CTNNA3: variants seen among roughly 807,000 people sequenced by gnomAD.
CTNNA3 encodes catenin alpha 3, also known as catenin alpha-3.
In CTNNA3, 76 loss-of-function variants were observed where a neutral mutation model predicts 95.7. That is an observed-to-expected ratio of 0.79 (90% confidence interval 0.66 to 0.96). The LOEUF (loss-of-function observed/expected upper bound fraction) is 0.96. Ranked by LOEUF, CTNNA3 falls within the 40% of genes least tolerant of loss-of-function variation. CTNNA3 has a pLI of 0.00. For synonymous variants in CTNNA3, 431 were observed against 374.4 expected (o/e 1.15, Z -1.74); for missense variants, 1,191 against 1,089.8 (o/e 1.09, Z -1.31).
intron 7 of CTNNA3, among the ~76,000 whole-genome samples, chr10:67,063,180 CCA>C (rs1270485955): frequency 6.6e-6 from 1 of 152,080 alleles, no homozygotes; most frequent in Non-Finnish European, 1.5e-5. Flanking sequence ...AAAACAGTTA[CCA>C]AGTATGGATG....
At chr10:66,616,374 A>C (rs1423277438) in intron 10 of CTNNA3, among the ~76,000 whole-genome samples, 1 of 152,132 alleles carries the variant, frequency 6.6e-6, no homozygotes, top group Non-Finnish European at 1.5e-5. Flanking sequence ...CATTCTTCTA[A>C]CATCTGCTCA....
At chr10:66,918,960 C>A (rs1341428424) in intron 7 of CTNNA3, among the ~76,000 whole-genome samples, 4 of 151,608 alleles carry the variant, frequency 2.6e-5, no homozygotes, top group Non-Finnish European at 5.9e-5. Flanking sequence ...ACGGTGAAAC[C>A]CTGTCTCTAC....
chr10:66,209,471 A>G (rs150030005), intron 13 of CTNNA3, among the ~76,000 whole-genome samples: 2 of 152,282 alleles, frequency 1.3e-5, no homozygotes, highest in African/African-American at 2.4e-5. Flanking sequence ...AAGGTGAGAG[A>G]GAGGTCATGT....
At chr10:66,613,030 C>G (rs1361986512) in intron 10 of CTNNA3, among the ~76,000 whole-genome samples, 1 of 152,064 alleles carries the variant, frequency 6.6e-6, no homozygotes, top group Non-Finnish European at 1.5e-5. Flanking sequence ...ATTGTACAGG[C>G]CAGCACAGAT....
intron 7 of CTNNA3, among the ~76,000 whole-genome samples, chr10:67,049,030 G>GTT (rs3998950): frequency 9.0e-5 from 13 of 145,000 alleles, no homozygotes; most frequent in South Asian, 4.3e-4. Context: ...ATGATAACTG[G>GTT]TTTTTTTTTT....
intron 10 of CTNNA3, among the ~76,000 whole-genome samples, chr10:66,537,685 T>A (rs1162962703): frequency 6.6e-6 from 1 of 151,652 alleles, no homozygotes; most frequent in African/African-American, 2.4e-5. Context: ...CTTAGCCAGG[T>A]GCAGTGCTCA....
chr10:67,231,388 C>G (rs1260941370), intron 5 of CTNNA3, among the ~76,000 whole-genome samples: 1 of 152,246 alleles, frequency 6.6e-6, no homozygotes, highest in East Asian at 1.9e-4. Flanking sequence ...AGCAGCCTAA[C>G]TGGGAGGCAA....
intron 9 of CTNNA3, among the ~76,000 whole-genome samples, chr10:66,705,524 G>C (rs1183052631): frequency 2.0e-5 from 3 of 151,980 alleles, no homozygotes; most frequent in Non-Finnish European, 4.4e-5. Flanking sequence ...ATAAATGTTA[G>C]CTGGATTAAA....
chr10:67,522,426 C>T (rs2133160817), intron 4 of CTNNA3, among the ~76,000 whole-genome samples: 1 of 152,110 alleles, frequency 6.6e-6, no homozygotes, highest in East Asian at 1.9e-4. Context: ...TCTGGCTTGC[C>T]TCTATAATAA....
chr10:67,232,622 C>CTAACA (rs1285451567), intron 5 of CTNNA3, among the ~76,000 whole-genome samples: 5 of 151,286 alleles, frequency 3.3e-5, no homozygotes, highest in Admixed American at 2.6e-4. Flanking sequence ...AAATAACCAG[C>CTAACA]TAACATCATA....
chr10:67,612,332 A>G (rs1368581357), intron 2 of CTNNA3, among the ~76,000 whole-genome samples: 1 of 152,242 alleles, frequency 6.6e-6, no homozygotes, highest in African/African-American at 2.4e-5. Flanking sequence ...TTACACTTAT[A>G]TAAGTACAAA....
At chr10:65,930,778 G>A (rs2077240771) in intron 17 of CTNNA3, among the ~76,000 whole-genome samples, 2 of 152,122 alleles carry the variant, frequency 1.3e-5, no homozygotes, top group South Asian at 4.1e-4. Context: ...ATAGAGGGAT[G>A]GGCTTTAGCT....
chr10:67,295,401 T>C (rs1839994444), intron 5 of CTNNA3, among the ~76,000 whole-genome samples: 1 of 152,154 alleles, frequency 6.6e-6, no homozygotes, highest in Non-Finnish European at 1.5e-5. Flanking sequence ...GCTAAGGAAA[T>C]ACAGTCACGG....
intron 7 of CTNNA3, among the ~76,000 whole-genome samples, chr10:66,955,975 C>A (rs1408527834): frequency 6.6e-6 from 1 of 152,064 alleles, no homozygotes; most frequent in Non-Finnish European, 1.5e-5. Context: ...AGTGCTCTGC[C>A]AGAAAGGGGT....
intron 4 of CTNNA3, among the ~76,000 whole-genome samples, chr10:67,529,085 C>T (rs937278304): frequency 2.6e-5 from 4 of 151,794 alleles, no homozygotes; most frequent in Admixed American, 6.6e-5. Flanking sequence ...CTTGAGTTAG[C>T]GATTCCAGAA....
intron 7 of CTNNA3, among the ~76,000 whole-genome samples, chr10:67,169,862 T>C (rs1861936353): frequency 6.6e-6 from 1 of 152,140 alleles, no homozygotes; most frequent in Non-Finnish European, 1.5e-5. Context: ...TTGCAAACTA[T>C]GCATCTGACA....
intron 5 of CTNNA3, among the ~76,000 whole-genome samples, chr10:67,490,106 T>C (rs1848594648): frequency 6.6e-6 from 1 of 152,218 alleles, no homozygotes; most frequent in Non-Finnish European, 1.5e-5. Flanking sequence ...TGTTCTAATC[T>C]GAATTCATCC....
intron 2 of CTNNA3, among the ~76,000 whole-genome samples, chr10:67,635,644 A>T (rs749952426): frequency 5.9e-5 from 9 of 152,146 alleles, no homozygotes; most frequent in Non-Finnish European, 1.2e-4. Context: ...AACTCTCAAT[A>T]AACTAGGTAT....
chr10:67,444,172 G>A (rs1846651219), intron 5 of CTNNA3, among the ~76,000 whole-genome samples: 1 of 151,946 alleles, frequency 6.6e-6, no homozygotes, highest in Non-Finnish European at 1.5e-5. Flanking sequence ...AGATATTCAA[G>A]AAATTAAAAT....
Sources: allele counts gnomAD v4.1 joint callset (sites outside exome capture counted in the v4.1 genomes callset), GRCh38; gene constraint gnomAD v4.1.1; transcripts MANE v1.5; gene names NCBI Gene and HGNC (gene_info 2026-07-23, HGNC 2026-07-21).